The following CRACR2A variants were observed in gnomAD, a reference collection of about 807,000 sequenced individuals.
CRACR2A encodes the protein EF-hand calcium-binding domain-containing protein 4B.
CRACR2A carries 79 observed loss-of-function variants against 90.5 expected under a neutral mutation model. The observed-to-expected ratio is 0.87, with a 90% CI of 0.73 to 1.05. The LOEUF (loss-of-function observed/expected upper bound fraction) is 1.05. Among genes scored for constraint, CRACR2A ranks in the 50% least tolerant of loss-of-function variants. The pLI, the probability that CRACR2A is intolerant of heterozygous loss-of-function variation, is 0.00. For synonymous variants in CRACR2A, 338 were observed against 356.7 expected (o/e 0.95, Z 0.59); for missense variants, 823 against 897.2 (o/e 0.92, Z 1.06).
intron 1 of CRACR2A, among the ~76,000 whole-genome samples, chr12:3,743,034 A>G (rs1475472985): frequency 2.0e-5 from 3 of 152,230 alleles, no homozygotes; most frequent in African/African-American, 7.2e-5. Context: ...TTTTATTGGC[A>G]CTAAATCACT....
rs558582697 is a variant in CRACR2A at position 3,668,262 on chromosome 12, T to A, written c.671+5184A>T. ...AGCATTCCAGATTGGAAGGGCACCA[T>A]GGGATATACCTTTTGCTGGCTGACT... On this transcript the variant is annotated intron_variant, in intron 7 of 19. Coordinates refer to ENST00000440314, the MANE Select transcript of CRACR2A (RefSeq NM_001144958.2). Among the ~76,000 whole-genome samples, 34 of 152,284 alleles carry A rather than the reference T, an allele frequency of 2.2e-4. 1 individual carries two copies. In the South Asian group the frequency reaches 7.1e-3, roughly 32 times the overall value.
chr12:3,635,321 C>T (rs12819679), intron 14 of CRACR2A, among the ~76,000 whole-genome samples: 38,387 of 152,020 alleles, frequency 0.25, 5,277 homozygotes, highest in South Asian at 0.37. Context: ...AGAAGGAGTA[C>T]CTGGCTGGCA....
At chr12:3,702,507 C>CA (rs71061127) in intron 3 of CRACR2A, among the ~76,000 whole-genome samples, 14 of 150,230 alleles carry the variant, frequency 9.3e-5, no homozygotes, top group African/African-American at 1.7e-4. Flanking sequence ...TCTATACTAA[C>CA]AAAAAAAAAT....
intron 17 of CRACR2A, among the ~76,000 whole-genome samples, chr12:3,624,651 A>C (rs1944221371): frequency 6.6e-6 from 1 of 152,230 alleles, no homozygotes; most frequent in South Asian, 2.1e-4. Context: ...TGTGCTGGAC[A>C]TGCCGCAGAT....
In CRACR2A at chr12:3,629,847, AAG is replaced by A. The variant is rs1491128689; in HGVS notation, c.1736-2143_1736-2142del. On this transcript the variant is annotated intron_variant, in intron 15 of 19. Coordinates refer to ENST00000440314, the MANE Select transcript of CRACR2A (RefSeq NM_001144958.2). ...GGTGTGAAGGACACAAGGAAAAGAC[AAG>A]GGGGGGGGGGGATGAAGAGGTGGCA... Among the ~76,000 whole-genome samples the A allele has an allele frequency of 3.2e-3, 258 of 81,138 alleles. 4 individuals carry two copies. Among genetic ancestry groups the A allele is most frequent in the African/African-American group, 0.012 (169 of 13,978 alleles). The allele number at this position is 81,138 out of a possible 152,430, so 53.2% of individuals were successfully genotyped here. A position where few individuals can be genotyped will look rare whatever the true frequency, so the allele number is the denominator to read the frequency against.
chr12:3,637,519 C>CT (rs1944476584), intron 14 of CRACR2A, among the ~76,000 whole-genome samples: 1 of 152,032 alleles, frequency 6.6e-6, no homozygotes, highest in Non-Finnish European at 1.5e-5. Flanking sequence ...TCCTTCTTGC[C>CT]TTTGTTAAAT....
intron 2 of CRACR2A, among the ~76,000 whole-genome samples, chr12:3,718,701 C>CT (rs1394444442): frequency 6.6e-6 from 1 of 152,144 alleles, no homozygotes; most frequent in African/African-American, 2.4e-5. Flanking sequence ...GTTTCTTTTA[C>CT]TTTTTTAAAA....
chr12:3,628,268 G>C (rs941869935), intron 15 of CRACR2A, among the ~76,000 whole-genome samples: 5 of 149,478 alleles, frequency 3.3e-5, no homozygotes, highest in Non-Finnish European at 7.4e-5. Context: ...AATTCTTTCA[G>C]AGGCCCCCTA....
chr12:3,752,337 G>GAC (rs60953429), intron 1 of CRACR2A, among the ~76,000 whole-genome samples: 1,304 of 68,810 alleles, frequency 0.019, 23 homozygotes, highest in African/African-American at 0.049. Context: ...CACACACACG[G>GAC]ACACACACAC....
At chr12:3,710,444 G>C (rs552567073) in intron 3 of CRACR2A, among the ~76,000 whole-genome samples, 1 of 152,226 alleles carries the variant, frequency 6.6e-6, no homozygotes, top group African/African-American at 2.4e-5. Flanking sequence ...GTTCTGGTGA[G>C]GGCCCTCTTC....
At chr12:3,632,121 G>C (rs1244613393) in intron 15 of CRACR2A, among the ~76,000 whole-genome samples, 2 of 152,132 alleles carry the variant, frequency 1.3e-5, no homozygotes, top group Non-Finnish European at 1.5e-5. Context: ...GTTCTCACGA[G>C]ATCTGGTTGT....
intron 2 of CRACR2A, among the ~76,000 whole-genome samples, chr12:3,719,292 C>T (rs1320860469): frequency 1.3e-5 from 2 of 152,190 alleles, no homozygotes; most frequent in Non-Finnish European, 1.5e-5. Flanking sequence ...CCCCATGTCA[C>T]CGCTGATGTC....
chr12:3,735,057 A>G (rs1464512007), intron 1 of CRACR2A, among the ~76,000 whole-genome samples: 1 of 147,496 alleles, frequency 6.8e-6, no homozygotes, highest in Non-Finnish European at 1.5e-5. Context: ...TGGGGTGATG[A>G]ATGTATTAAC....
rs60744898 is a variant in CRACR2A, at chr12:3,621,011, G to A, written c.1933-1639C>T. Among the ~76,000 whole-genome samples the A allele has an allele frequency of 3.7e-3, 570 of 152,324 alleles. 4 individuals are homozygous for A. Among genetic ancestry groups the A allele is most frequent in the African/African-American group, 0.013 (525 of 41,570 alleles). The stretch of plus-strand genomic sequence containing the variant: ...CCGTGCTGTGCCACGGGATACTTGT[G>A]CGAAGAGCTTTTCACGGAAAGGGAA... On this transcript the variant is annotated intron_variant, in intron 17 of 19. Coordinates refer to ENST00000440314, the MANE Select transcript of CRACR2A (RefSeq NM_001144958.2).
chr12:3,657,113 T>TCTG lies in CRACR2A; in HGVS notation c.763-710_763-708dup, dbSNP rs549606096. 2.5e-3 allele frequency among the ~76,000 whole-genome samples: 385 copies of TCTG among 152,294 alleles called. 1 individual carries two copies. Among genetic ancestry groups the TCTG allele is most frequent in the African/African-American group, 8.7e-3 (363 of 41,570 alleles). On this transcript the variant is annotated intron_variant, in intron 8 of 19. Coordinates refer to ENST00000440314, the MANE Select transcript of CRACR2A (RefSeq NM_001144958.2). ...GCCTGATGCTCTCAGCAGAGCCAGATCTGTGGTGTAAGGCCCCTGAGCCGA... is the reference window on the plus strand; with the variant it reads ...GCCTGATGCTCTCAGCAGAGCCAGATCTGCTGTGGTGTAAGGCCCCTGAGCCGA...
At chr12:3,645,771 T>G (rs1944673608) in intron 11 of CRACR2A, among the ~76,000 whole-genome samples, 1 of 152,186 alleles carries the variant, frequency 6.6e-6, no homozygotes, top group Admixed American at 6.5e-5. Context: ...ACAACTCTTC[T>G]GAAAGTTTTG....
At chr12:3,735,481 A>T (rs142375284) in intron 1 of CRACR2A, among the ~76,000 whole-genome samples, 1 of 152,356 alleles carries the variant, frequency 6.6e-6, no homozygotes, top group Non-Finnish European at 1.5e-5. Flanking sequence ...ATAAAATAAC[A>T]ACCAACAATG....
intron 2 of CRACR2A, chr12:3,731,878 G>A (rs12424031): frequency 0.089 from 13,569 of 152,552 alleles, 693 homozygotes; most frequent in Middle Eastern, 0.17. Context: ...ACAGTCGGCC[G>A]GCAAATCGTC....
At chr12:3,660,698 C>CT (rs1030027518) in intron 7 of CRACR2A, among the ~76,000 whole-genome samples, 1 of 151,934 alleles carries the variant, frequency 6.6e-6, no homozygotes, top group Admixed American at 6.6e-5. Context: ...ATTTTCATAC[C>CT]TTTTTTGCTG....
Sources: gnomAD v4.1 joint callset for allele counts (sites outside exome capture counted in the v4.1 genomes callset) on GRCh38, gnomAD v4.1.1 for gene constraint, MANE v1.5 for transcripts, NCBI Gene and HGNC (gene_info 2026-07-23, HGNC 2026-07-21) for gene names.